Variants in RETREG1 observed in about 807,000 individuals in gnomAD.
The protein encoded by RETREG1 is family with sequence similarity 134 member B.
A neutral mutation model predicts 54.8 loss-of-function variants in RETREG1; 44 were observed. That is an observed-to-expected ratio of 0.80 (90% CI 0.63 to 1.03). The LOEUF is 1.03. Ranked by LOEUF, RETREG1 falls within the 50% of genes least tolerant of loss-of-function variation. RETREG1 has a pLI of 0.00. For missense variants in RETREG1, 554 were observed against 605.1 expected (o/e 0.92, Z 0.89); for synonymous variants, 217 against 238.5 (o/e 0.91, Z 0.83).
Position 16,573,180 on chromosome 5 carries a change from CAAAAAAAAAAA to C in RETREG1, c.321-1089_321-1079del, listed in dbSNP as rs11303408. ...CTGGTGAGAGAGTGAGATTCTGTCT[CAAAAAAAAAAA>C]AAAAAAAAAAAAAAAAAAGCAGTTA... On this transcript the variant is annotated intron_variant, in intron 1 of 8. Coordinates refer to ENST00000306320, the MANE Select transcript of RETREG1 (RefSeq NM_001034850.3). Among the ~76,000 whole-genome samples the C allele has an allele frequency of 1.1e-3, 51 of 45,146 alleles. No individual in the cohort carries two copies. In the East Asian group the frequency reaches 0.012, roughly 11 times the overall value. The allele number at this position is 45,146 out of a possible 152,430, so 29.6% of individuals were successfully genotyped here.
chr5:16,590,582 G>T (rs2447811), intron 1 of RETREG1, among the ~76,000 whole-genome samples: 20,523 of 152,194 alleles, frequency 0.13, 1,408 homozygotes, highest in Non-Finnish European at 0.16. Flanking sequence ...GAAACTCGGG[G>T]CGTGTGTGCT....
chr5:16,487,646 T>G (rs1284707757), intron 3 of RETREG1, among the ~76,000 whole-genome samples: 1 of 152,208 alleles, frequency 6.6e-6, no homozygotes, highest in African/African-American at 2.4e-5. Context: ...ACGGAAAAAC[T>G]AGTCAGGTGT....
rs1738485688 is a variant in RETREG1 at position 16,475,233 on chromosome 5, A to C, written c.1002T>G (p.Asp334Glu). Residue 334 changes from aspartate to glutamate, a missense_variant and splice_region_variant, in exon 9 of 9, where the codon GAT becomes GAG. Coordinates refer to ENST00000306320, the MANE Select transcript of RETREG1 (RefSeq NM_001034850.3). ...GYTPQTDTSD[D>E]LDRPSEEVFS... ...AAACTTCCTCACTGGGTCGGTCAAG[A>C]TCTGTGAAATGGATAACAGAAGTTC... 1 of 1,611,120 alleles carries C rather than the reference A, an allele frequency of 6.2e-7. No individual in the cohort carries two copies. The highest frequency in any genetic ancestry group is 1.3e-5 in the African/African-American group (1 of 74,894).
chr5:16,591,672 C>T (rs1437628735), intron 1 of RETREG1, among the ~76,000 whole-genome samples: 1 of 152,218 alleles, frequency 6.6e-6, no homozygotes, highest in Non-Finnish European at 1.5e-5. Context: ...GTGCAAACAA[C>T]CCTAACAACT....
chr5:16,543,493 T>C (rs1741302627), intron 3 of RETREG1, among the ~76,000 whole-genome samples: 1 of 151,956 alleles, frequency 6.6e-6, no homozygotes, highest in Non-Finnish European at 1.5e-5. Context: ...CTAGCCAACA[T>C]GATGAAACCC....
intron 3 of RETREG1, among the ~76,000 whole-genome samples, chr5:16,496,193 G>C (rs1739450093): frequency 6.6e-6 from 1 of 152,102 alleles, no homozygotes; most frequent in Admixed American, 6.5e-5. Flanking sequence ...TTCATAAACA[G>C]TTATATGTAT....
chr5:16,517,169 G>C lies in RETREG1; in HGVS notation c.459-33697C>G, dbSNP rs143736599. Among the ~76,000 whole-genome samples, 26 of 152,072 alleles carry C rather than the reference G, an allele frequency of 1.7e-4. 1 individual carries two copies. The East Asian group carries it at 4.6e-3, about 27-fold the overall frequency. The stretch of plus-strand genomic sequence containing the variant: ...ATATATCTAATAGGAGTCTTGGAAT[G>C]AGGAGGAAGATATATCTAATAGGAG... On this transcript the variant is annotated intron_variant, in intron 3 of 8. Coordinates refer to ENST00000306320, the MANE Select transcript of RETREG1 (RefSeq NM_001034850.3).
chr5:16,572,901 T>C (rs181942958), intron 1 of RETREG1, among the ~76,000 whole-genome samples: 2 of 152,104 alleles, frequency 1.3e-5, no homozygotes, highest in Admixed American at 6.5e-5. Flanking sequence ...ACAGCAGTTA[T>C]TGGCCGGGCG....
intron 3 of RETREG1, among the ~76,000 whole-genome samples, chr5:16,493,838 A>C (rs988014316): frequency 6.6e-6 from 1 of 152,224 alleles, no homozygotes; most frequent in Non-Finnish European, 1.5e-5. Context: ...CCTGAGCACC[A>C]GGTATATACA....
chr5:16,587,723 C>G (rs1169799532), intron 1 of RETREG1, among the ~76,000 whole-genome samples: 1 of 152,168 alleles, frequency 6.6e-6, no homozygotes, highest in African/African-American at 2.4e-5. Flanking sequence ...GATTTTGCTT[C>G]TCCAACTCCA....
intron 3 of RETREG1, among the ~76,000 whole-genome samples, chr5:16,518,412 G>A (rs1740429563): frequency 6.6e-6 from 1 of 151,068 alleles, no homozygotes. Flanking sequence ...GAGAAAAAGA[G>A]AAAGAAAAAG....
intron 3 of RETREG1, among the ~76,000 whole-genome samples, chr5:16,559,242 C>A (rs945596279): frequency 6.6e-6 from 1 of 152,202 alleles, no homozygotes; most frequent in Non-Finnish European, 1.5e-5. Context: ...ACTGCTTCTC[C>A]TAAGAGTTTG....
chr5:16,601,298 T>A (rs974342617), intron 1 of RETREG1, among the ~76,000 whole-genome samples: 9 of 150,846 alleles, frequency 6.0e-5, no homozygotes, highest in Admixed American at 2.6e-4. Context: ...AGCTATGATC[T>A]CACTGCACTC....
At chr5:16,488,168 A>G (rs1288284391) in intron 3 of RETREG1, among the ~76,000 whole-genome samples, 2 of 152,238 alleles carry the variant, frequency 1.3e-5, no homozygotes, top group Non-Finnish European at 2.9e-5. Context: ...TGTCCTACAA[A>G]TAAAGAGGAG....
intron 3 of RETREG1, among the ~76,000 whole-genome samples, chr5:16,489,979 A>C (rs1199495502): frequency 6.6e-6 from 1 of 152,218 alleles, no homozygotes; most frequent in East Asian, 1.9e-4. Context: ...GAAAGCAAAA[A>C]ATTATATTTT....
At chr5:16,564,897 G>A (rs1188291889) in intron 3 of RETREG1, among the ~76,000 whole-genome samples, 1 of 152,062 alleles carries the variant, frequency 6.6e-6, no homozygotes, top group Non-Finnish European at 1.5e-5. Context: ...TAAAATACAG[G>A]GTGATTTTTT....
At chr5:16,537,266 C>G (rs1456997855) in intron 3 of RETREG1, among the ~76,000 whole-genome samples, 3 of 152,166 alleles carry the variant, frequency 2.0e-5, no homozygotes, top group Non-Finnish European at 4.4e-5. Context: ...TAACTTGCCC[C>G]AGGCCAGGTA....
chr5:16,600,169 T>G (rs154294), intron 1 of RETREG1, among the ~76,000 whole-genome samples: 29,300 of 152,094 alleles, frequency 0.19, 3,320 homozygotes, highest in East Asian at 0.4. Context: ...CCCGGCTAAT[T>G]TTTGTGTTTT....
intron 1 of RETREG1, among the ~76,000 whole-genome samples, chr5:16,589,940 G>A (rs1300472501): frequency 2.0e-5 from 3 of 152,150 alleles, no homozygotes; most frequent in Non-Finnish European, 2.9e-5. Context: ...AAAACACTCC[G>A]ATTCTCTCCT....
Sources: allele counts gnomAD v4.1 joint callset (sites outside exome capture counted in the v4.1 genomes callset), GRCh38; gene constraint gnomAD v4.1.1; transcripts MANE v1.5; gene names NCBI Gene and HGNC (gene_info 2026-07-23, HGNC 2026-07-21).